Variants in RPS6KA5 observed in about 807,000 individuals in gnomAD.
RPS6KA5 encodes the protein ribosomal protein S6 kinase alpha-5.
RPS6KA5 carries 27 observed loss-of-function variants against 85.5 expected under a neutral mutation model. The ratio of observed to expected loss-of-function variants is 0.32; its 90% CI spans 0.23 to 0.44. The LOEUF is 0.44. RPS6KA5 is among the 20% of genes least tolerant of loss of function. The pLI is 1.00. For missense variants in RPS6KA5, 811 were observed against 980.9 expected, an observed-to-expected ratio of 0.83 and a Z score of 2.31; for synonymous variants, 334 against 348.2, an observed-to-expected ratio of 0.96 and a Z score of 0.46.
intron 14 of RPS6KA5, among the ~76,000 whole-genome samples, chr14:90,879,026 A>G (rs2140154146): frequency 6.6e-6 from 1 of 152,322 alleles, no homozygotes; most frequent in East Asian, 1.9e-4. Context: ...ATTCTGGTGC[A>G]AGGTGGGGCC....
At chr14:90,883,075 GGTGTTTCATTATAAT>G (rs2033962572) in intron 14 of RPS6KA5, among the ~76,000 whole-genome samples, 1 of 152,068 alleles carries the variant, frequency 6.6e-6, no homozygotes, top group African/African-American at 2.4e-5. Context: ...TAGGATTACA[GGTGTTTCATTATAAT>G]GTGTTTCAGT....
chr14:90,993,140 T>G (rs1164855378), intron 2 of RPS6KA5, among the ~76,000 whole-genome samples: 1 of 152,172 alleles, frequency 6.6e-6, no homozygotes, highest in Non-Finnish European at 1.5e-5. Flanking sequence ...TCACTCAGCT[T>G]TTGTATGTTT....
intron 1 of RPS6KA5, among the ~76,000 whole-genome samples, chr14:91,024,318 G>C (rs1474030020): frequency 2.0e-5 from 3 of 151,100 alleles, no homozygotes; most frequent in Admixed American, 6.6e-5. Flanking sequence ...CAGGTGTTAT[G>C]TTTCTCTTTT....
rs779981523 is a variant in RPS6KA5 at position 90,894,381 on chromosome 14, T to A, written c.1644+32A>T. The stretch of plus-strand genomic sequence containing the variant: ...GAGATCTTTAATAATGGTGCTAGAC[T>A]GAATTACGTAAGAGATCCAGTGATT... On this transcript the variant is annotated intron_variant, in intron 13 of 16. Coordinates refer to ENST00000614987, the MANE Select transcript of RPS6KA5 (RefSeq NM_004755.4). The A allele has an allele frequency of 1.4e-5, 22 of 1,597,692 alleles. No individual in the cohort carries two copies. In the South Asian group the frequency reaches 1.8e-4, roughly 13 times the overall value.
At chr14:90,926,664 AGTGT>A (rs59637202) in intron 5 of RPS6KA5, among the ~76,000 whole-genome samples, 99 of 143,296 alleles carry the variant, frequency 6.9e-4, no homozygotes, top group East Asian at 2.9e-3. Flanking sequence ...TATATATTTA[AGTGT>A]GTGTGTGTGT....
chr14:91,027,654 T>G (rs529255271), intron 1 of RPS6KA5, among the ~76,000 whole-genome samples: 1 of 152,338 alleles, frequency 6.6e-6, no homozygotes, highest in Admixed American at 6.5e-5. Flanking sequence ...TCCCTCATTC[T>G]GCATGTCCAG....
intron 7 of RPS6KA5, among the ~76,000 whole-genome samples, chr14:90,913,059 C>T (rs755666810): frequency 2.0e-5 from 3 of 151,684 alleles, no homozygotes; most frequent in East Asian, 1.9e-4. Context: ...TACAGGCACT[C>T]GCCACCACGC....
At chr14:90,967,387 T>G (rs1268959808) in intron 3 of RPS6KA5, among the ~76,000 whole-genome samples, 1 of 152,112 alleles carries the variant, frequency 6.6e-6, no homozygotes, top group Non-Finnish European at 1.5e-5. Flanking sequence ...AGGCATACAG[T>G]AGGCATTTGT....
Position 90,906,217 on chromosome 14 carries a change from CT to C in RPS6KA5, c.888del (p.Asp297IlefsTer25). On this transcript the variant is annotated frameshift_variant, in exon 8 of 17. Coordinates refer to ENST00000614987, the MANE Select transcript of RPS6KA5 (RefSeq NM_004755.4). LOFTEE classifies it high-confidence loss of function. ...AKDLIQRLLM[K>X]DPKKRLGCGP... ...CCACATCCCAATCTCTTCTTGGGATCTTTCATCAAAAGACGCTGAATTAGGT... is the reference window on the plus strand; with the variant it reads ...CCACATCCCAATCTCTTCTTGGGATCTTCATCAAAAGACGCTGAATTAGGT... 2 of 1,612,968 alleles carry C rather than the reference CT, an allele frequency of 1.2e-6. No homozygotes were observed. Among genetic ancestry groups the C allele is most frequent in the Non-Finnish European group, 1.7e-6 (2 of 1,179,170 alleles).
At chr14:90,904,191 C>T (rs998279105) in intron 8 of RPS6KA5, among the ~76,000 whole-genome samples, 28 of 152,200 alleles carry the variant, frequency 1.8e-4, no homozygotes, top group Non-Finnish European at 3.1e-4. Flanking sequence ...CCTAGTGATC[C>T]GCCCACCTTG....
At chr14:91,008,736 A>G (rs1403142448) in intron 1 of RPS6KA5, among the ~76,000 whole-genome samples, 2 of 152,264 alleles carry the variant, frequency 1.3e-5, no homozygotes, top group African/African-American at 4.8e-5. Context: ...ATATGGAACT[A>G]GCTGGCTCAA....
At chr14:90,962,423 C>T (rs2038851786) in intron 3 of RPS6KA5, among the ~76,000 whole-genome samples, 1 of 151,886 alleles carries the variant, frequency 6.6e-6, no homozygotes, top group African/African-American at 2.4e-5. Context: ...CCTGCCTCAG[C>T]CTCCCAAGTA....
At chr14:90,934,854 G>C (rs921130174) in intron 5 of RPS6KA5, among the ~76,000 whole-genome samples, 1 of 152,170 alleles carries the variant, frequency 6.6e-6, no homozygotes, top group African/African-American at 2.4e-5. Flanking sequence ...AAGCTAATGT[G>C]TTGGCATCTG....
intron 1 of RPS6KA5, among the ~76,000 whole-genome samples, chr14:91,028,140 GAAAACA>G (rs1338529582): frequency 6.6e-6 from 1 of 152,054 alleles, no homozygotes; most frequent in Non-Finnish European, 1.5e-5. Flanking sequence ...AGAGTTCCCA[GAAAACA>G]AAGTTAGCTA....
intron 1 of RPS6KA5, among the ~76,000 whole-genome samples, chr14:91,008,087 T>C (rs1047401831): frequency 1.1e-4 from 16 of 152,234 alleles, no homozygotes; most frequent in Non-Finnish European, 1.9e-4. Context: ...TTCCCACTCC[T>C]ATGGAGGAAA....
chr14:90,971,932 G>A (rs2039340178), intron 3 of RPS6KA5, among the ~76,000 whole-genome samples: 2 of 152,224 alleles, frequency 1.3e-5, no homozygotes, highest in African/African-American at 2.4e-5. Context: ...GTAGGAAAAT[G>A]TAGTAAGATA....
In RPS6KA5 at chr14:90,900,656, A is replaced by C; in HGVS notation, c.1200T>G (p.Val400=). ...VIDPLQFHMG[V]ERPGVTNVAR... is the part of the protein sequence containing the mutation. ...CAACATTTGTCACTCCAGGACGTTC[A>C]ACTCCCATGTGAAACTGAAGAGGGT... is the stretch of plus-strand genomic sequence containing the variant. The change falls in exon 10 of 17, where the codon GTT becomes GTG. Residue 400 remains valine, a synonymous_variant. Coordinates refer to ENST00000614987, the MANE Select transcript of RPS6KA5 (RefSeq NM_004755.4). The C allele has an allele frequency of 6.2e-7, 1 of 1,614,036 alleles. No individual in the cohort carries two copies. Among genetic ancestry groups the C allele is most frequent in the Non-Finnish European group, 8.5e-7 (1 of 1,179,930 alleles).
chr14:90,879,938 C>T (rs1451293783), intron 14 of RPS6KA5, among the ~76,000 whole-genome samples: 1 of 152,052 alleles, frequency 6.6e-6, no homozygotes, highest in South Asian at 2.1e-4. Context: ...CGCCTGCCAC[C>T]ATGCCCAGCT....
Position 90,943,149 on chromosome 14 carries a change from T to C in RPS6KA5, c.547A>G (p.Ile183Val). Residue 183 changes from isoleucine (I) to valine (V), a missense_variant, in exon 5 of 17, where the codon ATT becomes GTT. Ile to Val is a conservative substitution (Grantham distance 29). Coordinates refer to ENST00000614987, the MANE Select transcript of RPS6KA5 (RefSeq NM_004755.4). ...IIYRDIKLENILLDSNGHVVL... is the reference protein window; with the variant it reads ...IIYRDIKLENVLLDSNGHVVL... ...ACATGGCCATTAGAATCAAGTAGAATATTCTCAAGCTTAATATCACGATAT... is the reference window on the plus strand; with the variant it reads ...ACATGGCCATTAGAATCAAGTAGAACATTCTCAAGCTTAATATCACGATAT... 8 of 1,611,934 alleles carry C rather than the reference T, an allele frequency of 5.0e-6. No individual in the cohort carries two copies. The highest frequency in any genetic ancestry group is 6.8e-6 in the Non-Finnish European group (8 of 1,178,286).
Sources: gnomAD v4.1 joint callset for allele counts (sites outside exome capture counted in the v4.1 genomes callset) on GRCh38, gnomAD v4.1.1 for gene constraint, MANE v1.5 for transcripts, NCBI Gene and HGNC (gene_info 2026-07-23, HGNC 2026-07-21) for gene names.